The following TNFSF4 variants were observed in gnomAD, a reference collection of about 807,000 sequenced individuals.
TNFSF4 encodes TNF superfamily member 4, also known as tumor necrosis factor ligand superfamily member 4.
Under a neutral mutation model 7.3 loss-of-function variants are expected in TNFSF4, and 4 were observed. The ratio of observed to expected loss-of-function variants is 0.55; its 90% CI spans 0.27 to 1.25. The LOEUF (loss-of-function observed/expected upper bound fraction) is 1.25. Among genes scored for constraint, TNFSF4 ranks in the 50% most tolerant of loss-of-function variants. The pLI is 0.12. For synonymous variants in TNFSF4, 76 were observed against 83.7 expected, an observed-to-expected ratio of 0.91 and a Z score of 0.50; for missense variants, 181 against 208.8, an observed-to-expected ratio of 0.87 and a Z score of 0.82.
At chr1:173,237,497 T>C in the TNFSF4 span, among the ~76,000 whole-genome samples, 2 of 152,118 alleles carry the variant, frequency 1.3e-5, no homozygotes, top group African/African-American at 4.8e-5. Context: ...TGATTCTATA[T>C]CTAGAAAATC....
chr1:173,181,588 C>G (rs11811788), downstream of TNFSF4, among the ~76,000 whole-genome samples: 43,979 of 152,048 alleles, frequency 0.29, 6,743 homozygotes, highest in African/African-American at 0.38. Flanking sequence ...CTCAAGGGCT[C>G]TGGCATAATG....
the TNFSF4 span, among the ~76,000 whole-genome samples, chr1:173,242,723 T>C: frequency 6.6e-6 from 1 of 152,110 alleles, no homozygotes; most frequent in East Asian, 1.9e-4. Flanking sequence ...GATGTGGTTT[T>C]TGAAGATGGA....
At chr1:173,446,660 CAGG>C in the TNFSF4 span, among the ~76,000 whole-genome samples, 1 of 152,222 alleles carries the variant, frequency 6.6e-6, no homozygotes, top group East Asian at 1.9e-4. Context: ...TAAAGGCATG[CAGG>C]AGAAGATGGA....
At chr1:173,396,584 G>T in the TNFSF4 span, among the ~76,000 whole-genome samples, 1 of 152,154 alleles carries the variant, frequency 6.6e-6, no homozygotes, top group Non-Finnish European at 1.5e-5. Flanking sequence ...ATTGATATGG[G>T]CTCACTAAGC....
chr1:173,285,226 G>T, the TNFSF4 span, among the ~76,000 whole-genome samples: 2 of 152,130 alleles, frequency 1.3e-5, no homozygotes, highest in South Asian at 4.1e-4. Context: ...TAGCAAGAGA[G>T]CTAGAATTAG....
the TNFSF4 span, among the ~76,000 whole-genome samples, chr1:173,236,509 A>G: frequency 6.6e-6 from 1 of 152,026 alleles, no homozygotes; most frequent in Admixed American, 6.6e-5. Flanking sequence ...AATGTTTTGC[A>G]TGTATACCCC....
chr1:173,259,041 G>C, the TNFSF4 span, among the ~76,000 whole-genome samples: 1 of 152,052 alleles, frequency 6.6e-6, no homozygotes, highest in Non-Finnish European at 1.5e-5. Context: ...TCCTAACTGG[G>C]TGAGACCCCC....
the TNFSF4 span, among the ~76,000 whole-genome samples, chr1:173,398,087 A>T: frequency 1.3e-5 from 2 of 152,142 alleles, no homozygotes; most frequent in Non-Finnish European, 2.9e-5. Context: ...GGCCAACAAA[A>T]CCAGTTTGCT....
upstream of TNFSF4, among the ~76,000 whole-genome samples, chr1:173,208,933 G>C (rs898227552): frequency 6.7e-6 from 1 of 150,178 alleles, no homozygotes; most frequent in African/African-American, 2.4e-5. Context: ...GAAAATCGTA[G>C]ATAACATTTT....
the TNFSF4 span, chr1:173,363,349 A>G: frequency 3.3e-6 from 1 of 307,660 alleles, no homozygotes; most frequent in African/African-American, 2.3e-5. Flanking sequence ...TTCTGCAGCT[A>G]TCAACTGAGA....
the TNFSF4 span, among the ~76,000 whole-genome samples, chr1:173,380,028 T>C: frequency 2.0e-5 from 3 of 152,200 alleles, no homozygotes; most frequent in Non-Finnish European, 4.4e-5. Context: ...GTTTGACCAT[T>C]GAGGGCCAGG....
chr1:173,236,621 T>C, the TNFSF4 span, among the ~76,000 whole-genome samples: 2 of 152,128 alleles, frequency 1.3e-5, no homozygotes, highest in Admixed American at 1.3e-4. Context: ...GGAGAAAATA[T>C]GGTATATATA....
chr1:173,190,090 C>T (rs906884962), intron 1 of TNFSF4, among the ~76,000 whole-genome samples: 9 of 151,796 alleles, frequency 5.9e-5, no homozygotes, highest in African/African-American at 2.2e-4. Flanking sequence ...GTGGCACATG[C>T]CTGTAATCCC....
chr1:173,338,686 A>T, the TNFSF4 span, among the ~76,000 whole-genome samples: 1 of 152,168 alleles, frequency 6.6e-6, no homozygotes, highest in Admixed American at 6.5e-5. Context: ...ACCACTCACT[A>T]TCACTGTCAG....
the TNFSF4 span, among the ~76,000 whole-genome samples, chr1:173,392,931 G>A: frequency 0.064 from 9,806 of 152,148 alleles, 1,036 homozygotes; most frequent in African/African-American, 0.22. Flanking sequence ...GCACAAGGCC[G>A]TAAATTTTGG....
At chr1:173,213,148 T>C in the TNFSF4 span, among the ~76,000 whole-genome samples, 1 of 152,238 alleles carries the variant, frequency 6.6e-6, no homozygotes, top group African/African-American at 2.4e-5. Flanking sequence ...ACACTTTTCA[T>C]TGAAACCGGA....
downstream of TNFSF4, among the ~76,000 whole-genome samples, chr1:173,180,715 T>G (rs1239513613): frequency 6.6e-6 from 1 of 152,226 alleles, no homozygotes; most frequent in Non-Finnish European, 1.5e-5. Context: ...ATTAAAGGGA[T>G]AGAAATAGTA....
the TNFSF4 span, among the ~76,000 whole-genome samples, chr1:173,352,924 C>G: frequency 1.1e-4 from 16 of 152,146 alleles, no homozygotes; most frequent in Non-Finnish European, 2.4e-4. Flanking sequence ...TATTAATATT[C>G]CTTGCTGGGG....
At chr1:173,294,421 A>G in the TNFSF4 span, among the ~76,000 whole-genome samples, 1 of 151,894 alleles carries the variant, frequency 6.6e-6, no homozygotes, top group Admixed American at 6.6e-5. Flanking sequence ...TCAGACACAG[A>G]TATAGGAACA....
Sources: allele counts gnomAD v4.1 joint callset (sites outside exome capture counted in the v4.1 genomes callset), GRCh38; gene constraint gnomAD v4.1.1; transcripts MANE v1.5; gene names NCBI Gene and HGNC (gene_info 2026-07-23, HGNC 2026-07-21).